TRIM67: variants seen among roughly 807,000 people sequenced by gnomAD.
TRIM67 encodes the protein tripartite motif-containing protein 67.
TRIM67 carries 39 observed loss-of-function variants against 71.0 expected under a neutral mutation model. That is an observed-to-expected ratio of 0.55 (90% CI 0.43 to 0.72). The LOEUF is 0.72. Ranked by LOEUF, TRIM67 falls within the 30% of genes least tolerant of loss-of-function variation. The pLI, the probability that TRIM67 is intolerant of heterozygous loss-of-function variation, is 0.00. For missense variants in TRIM67, 973 were observed against 1,079.2 expected, an observed-to-expected ratio of 0.90 and a Z score of 1.38; for synonymous variants, 481 against 473.9, an observed-to-expected ratio of 1.01 and a Z score of -0.19.
At chr1:231,183,940 T>C (rs768281258) in intron 1 of TRIM67, among the ~76,000 whole-genome samples, 22 of 152,098 alleles carry the variant, frequency 1.4e-4, no homozygotes, top group Non-Finnish European at 2.8e-4. Context: ...AGAAGCAGCA[T>C]ATACAGGAAT....
In TRIM67 at chr1:231,215,267, G is replaced by A. The variant is rs1683984920; in HGVS notation, c.2287-108G>A. 7 of 1,447,408 alleles carry A rather than the reference G, an allele frequency of 4.8e-6. No homozygotes were observed. The East Asian group carries it at 1.8e-4, about 37-fold the overall frequency. The allele number at this position is 1,447,408 out of a possible 1,614,324, so 89.7% of individuals were successfully genotyped here. On this transcript the variant is annotated intron_variant, in intron 9 of 9. Coordinates refer to ENST00000366653, the MANE Select transcript of TRIM67 (RefSeq NM_001004342.5). ...AGCAGCCCTGAGCTATTGCATGGAT[G>A]GCCCTGGAGCCAGCAGGGGATCCTG... is the stretch of plus-strand genomic sequence containing the variant.
intron 6 of TRIM67, among the ~76,000 whole-genome samples, chr1:231,205,368 TG>T (rs34410402): frequency 1.3e-5 from 2 of 152,204 alleles, no homozygotes; most frequent in Admixed American, 6.5e-5. Flanking sequence ...GCTATGCATT[TG>T]GGGGGTTGAA....
chr1:231,171,342 C>T (rs892419224), intron 1 of TRIM67, among the ~76,000 whole-genome samples: 1 of 152,116 alleles, frequency 6.6e-6, no homozygotes. Context: ...AGCAGAGGGG[C>T]CTGAGGAGAA....
At chr1:231,204,093 G>A (rs1683629939) in intron 6 of TRIM67, 81 bp downstream of exon 6, 2 of 1,576,318 alleles carry the variant, frequency 1.3e-6, no homozygotes, top group South Asian at 2.3e-5. Context: ...CCAGACTCTG[G>A]TTCAGCCCAT....
At chr1:231,187,421 T>C in intron 1 of TRIM67, 1 of 1,104,612 alleles carries the variant, frequency 9.1e-7, no homozygotes, top group Non-Finnish European at 1.2e-6. Flanking sequence ...GTCATTTACA[T>C]TTCTCATTTA....
chr1:231,211,587 G>A (rs993698467), intron 8 of TRIM67, among the ~76,000 whole-genome samples: 1 of 152,280 alleles, frequency 6.6e-6, no homozygotes, highest in African/African-American at 2.4e-5. Context: ...GCACCCTCGG[G>A]GGAAACCCTG....
intron 3 of TRIM67, among the ~76,000 whole-genome samples, chr1:231,199,564 CA>C (rs1683464128): frequency 3.3e-5 from 5 of 152,292 alleles, no homozygotes; most frequent in African/African-American, 9.6e-5. Flanking sequence ...TCAGCAATAA[CA>C]TACACAGCCA....
chr1:231,176,826 A>G (rs1034731991), intron 1 of TRIM67, among the ~76,000 whole-genome samples: 3 of 150,274 alleles, frequency 2.0e-5, no homozygotes, highest in Admixed American at 6.7e-5. Context: ...TCAGTGAAGA[A>G]CAGGAATAGC....
intron 1 of TRIM67, among the ~76,000 whole-genome samples, chr1:231,174,602 C>T (rs369883143): frequency 2.0e-5 from 3 of 151,984 alleles, no homozygotes; most frequent in Non-Finnish European, 2.9e-5. Context: ...GCCCCTCTCC[C>T]TCTCCCTTCT....
chr1:231,215,642 A>T lies in TRIM67; in HGVS notation c.*202A>T. The stretch of plus-strand genomic sequence containing the variant: ...GGCCATGCTCACAGCTGCCACTGTC[A>T]GTGGCAAAGGAAGGTACGTGTGTCA... On this transcript the variant is annotated 3_prime_UTR_variant, in exon 10 of 10. Coordinates refer to ENST00000366653, the MANE Select transcript of TRIM67 (RefSeq NM_001004342.5). The T allele has an allele frequency of 1.5e-6, 2 of 1,340,956 alleles. No homozygotes were observed. Among genetic ancestry groups the T allele is most frequent in the Non-Finnish European group, 1.9e-6 (2 of 1,044,482 alleles). The allele number at this position is 1,340,956 out of a possible 1,614,324, so 83.1% of individuals were successfully genotyped here. A position where few individuals can be genotyped will look rare whatever the true frequency, so the allele number is the denominator to read the frequency against.
chr1:231,208,362 G>T (rs969130850), intron 7 of TRIM67, among the ~76,000 whole-genome samples: 1 of 152,046 alleles, frequency 6.6e-6, no homozygotes, highest in African/African-American at 2.4e-5. Context: ...TTTTAGTAGA[G>T]ACAGGGTTTC....
Position 231,163,104 on chromosome 1 carries a change from G to T in TRIM67, c.135G>T (p.Leu45=). ...AGACCCCGGACGGTGAGCAGCACCT[G>T]CCCCAGCCGCTCCTGCTTTCCCGGG... ...AVQTPDGEQH[L]PQPLLLSRGS... is the part of the protein sequence containing the mutation. Residue 45 remains leucine (L), a synonymous_variant, in exon 1 of 10, where the codon CTG becomes CTT. Coordinates refer to ENST00000366653, the MANE Select transcript of TRIM67 (RefSeq NM_001004342.5). 6.4e-7 allele frequency: 1 copy of T among 1,563,892 alleles called. No individual in the cohort carries two copies.
Position 231,176,906 on chromosome 1 carries a change from C to CAAAAAAAAAAAAAAAAAAAA in TRIM67, c.1044+12910_1044+12911insAAAAAAAAAAAAAAAAAAAA, listed in dbSNP as rs56115614. ...TACCCTGTTTGCCAATACAATCTGG[C>CAAAAAAAAAAAAAAAAAAAA]AAAAAAAAAAAAAAAAACACCTTTC... On this transcript the variant is annotated intron_variant, in intron 1 of 9. Coordinates refer to ENST00000366653, the MANE Select transcript of TRIM67 (RefSeq NM_001004342.5). Among the ~76,000 whole-genome samples the CAAAAAAAAAAAAAAAAAAAA allele has an allele frequency of 3.6e-3, 271 of 74,286 alleles. 13 individuals carry two copies. Among genetic ancestry groups the CAAAAAAAAAAAAAAAAAAAA allele is most frequent in the Non-Finnish European group, 5.5e-3 (224 of 40,498 alleles). The allele number at this position is 74,286 out of a possible 152,430, so 48.7% of individuals were successfully genotyped here.
intron 2 of TRIM67, 147 bp downstream of exon 2, chr1:231,197,613 A>C (rs1353647867): frequency 1.6e-6 from 1 of 634,310 alleles, no homozygotes; most frequent in East Asian, 3.0e-5. Context: ...ATCACCTGAG[A>C]TTGGGAGTTT....
chr1:231,164,035 G>A (rs759337038), intron 1 of TRIM67, 22 bp downstream of exon 1: 12 of 1,477,724 alleles, frequency 8.1e-6, no homozygotes, highest in Middle Eastern at 3.6e-4. Context: ...GGACGCGGGA[G>A]TGCAGGTGCC....
intron 1 of TRIM67, among the ~76,000 whole-genome samples, chr1:231,188,098 T>C (rs892680127): frequency 6.6e-6 from 1 of 152,128 alleles, no homozygotes; most frequent in African/African-American, 2.4e-5. Context: ...ACATAATCCC[T>C]TCCACCCCTC....
Position 231,164,337 on chromosome 1 carries a change from A to G in TRIM67, c.1044+324A>G, listed in dbSNP as rs1020445097. Among the ~76,000 whole-genome samples, 7 of 152,328 alleles carry G rather than the reference A, an allele frequency of 4.6e-5. No individual in the cohort carries two copies. The South Asian group carries it at 1.0e-3, about 23-fold the overall frequency. On this transcript the variant is annotated intron_variant, in intron 1 of 9. Coordinates refer to ENST00000366653, the MANE Select transcript of TRIM67 (RefSeq NM_001004342.5). ...CTCTTTTACTCCCAACGTCTGACTA[A>G]TAAGTTACCTTGATGGTCCCTTTTG... is the stretch of plus-strand genomic sequence containing the variant.
At chr1:231,167,336 TTTTTGA>T (rs1454120726) in intron 1 of TRIM67, among the ~76,000 whole-genome samples, 2 of 64,558 alleles carry the variant, frequency 3.1e-5, no homozygotes, top group Non-Finnish European at 5.4e-5. Context: ...TTTTTTTTTT[TTTTTGA>T]GACGGAGTCT....
chr1:231,198,273 G>A (rs1683423026), intron 2 of TRIM67, among the ~76,000 whole-genome samples: 1 of 152,200 alleles, frequency 6.6e-6, no homozygotes, highest in Admixed American at 6.5e-5. Flanking sequence ...GTGCCTCAGG[G>A]TCTGTCTATA....
Sources: allele counts gnomAD v4.1 joint callset (sites outside exome capture counted in the v4.1 genomes callset), GRCh38; gene constraint gnomAD v4.1.1; transcripts MANE v1.5; gene names NCBI Gene and HGNC (gene_info 2026-07-23, HGNC 2026-07-21).